The following STK39 variants were observed in gnomAD, a reference collection of about 807,000 sequenced individuals.
The protein encoded by STK39 is STE20/SPS1-related proline-alanine-rich protein kinase.
In STK39, 20 loss-of-function variants were observed where a neutral mutation model predicts 77.8. The ratio of observed to expected loss-of-function variants is 0.26; its 90% confidence interval spans 0.18 to 0.37. The LOEUF is 0.37. Among genes scored for constraint, STK39 ranks in the 10% least tolerant of loss-of-function variants. The pLI is 1.00. For synonymous variants in STK39, 246 were observed against 234.1 expected (o/e 1.05, Z -0.47); for missense variants, 479 against 656.5 (o/e 0.73, Z 2.95).
intron 1 of STK39, among the ~76,000 whole-genome samples, chr2:168,198,255 T>C (rs1689524799): frequency 2.0e-5 from 3 of 152,152 alleles, no homozygotes; most frequent in South Asian, 4.1e-4. Flanking sequence ...CCCAAACACT[T>C]TTCATGTTTC....
At chr2:167,995,839 T>A (rs1683825122) in intron 16 of STK39, among the ~76,000 whole-genome samples, 1 of 152,200 alleles carries the variant, frequency 6.6e-6, no homozygotes, top group Non-Finnish European at 1.5e-5. Context: ...GTCAGAGAGC[T>A]GGGTGACATG....
intron 10 of STK39, among the ~76,000 whole-genome samples, chr2:168,118,782 C>A (rs1687327097): frequency 6.6e-6 from 1 of 152,238 alleles, no homozygotes; most frequent in South Asian, 2.1e-4. Flanking sequence ...GGCTGCAAGG[C>A]TTTTTACAGA....
chr2:168,214,571 C>T (rs55704419), intron 1 of STK39, among the ~76,000 whole-genome samples: 51,995 of 151,908 alleles, frequency 0.34, 9,061 homozygotes, highest in East Asian at 0.42. Context: ...TAAACAACGT[C>T]GTGAATGTAC....
intron 5 of STK39, among the ~76,000 whole-genome samples, chr2:168,153,307 G>A (rs1005275906): frequency 4.6e-5 from 7 of 152,150 alleles, no homozygotes; most frequent in Admixed American, 3.3e-4. Context: ...CTGCTCTCAC[G>A]GAGCTGACTT....
chr2:168,077,533 T>G (rs757630534), intron 10 of STK39, among the ~76,000 whole-genome samples: 11 of 152,320 alleles, frequency 7.2e-5, no homozygotes, highest in Non-Finnish European at 1.0e-4. Flanking sequence ...CAATAAACAT[T>G]GGTTAAACAA....
intron 14 of STK39, among the ~76,000 whole-genome samples, chr2:168,053,614 C>T (rs1685451566): frequency 6.6e-6 from 1 of 152,120 alleles, no homozygotes; most frequent in South Asian, 2.1e-4. Flanking sequence ...TCACAATGTC[C>T]TCTTGCTCAG....
At chr2:168,157,513 G>C (rs892656339) in intron 5 of STK39, among the ~76,000 whole-genome samples, 6 of 152,168 alleles carry the variant, frequency 3.9e-5, no homozygotes, top group South Asian at 2.1e-4. Context: ...CTGCAGGCTG[G>C]GAAGTCCAAG....
intron 8 of STK39, among the ~76,000 whole-genome samples, chr2:168,136,942 TGGCTAATAGCA>T (rs1420081808): frequency 2.0e-5 from 3 of 152,210 alleles, no homozygotes; most frequent in Admixed American, 1.3e-4. Context: ...TAATTCAAGA[TGGCTAATAGCA>T]GTCTTCATTC....
chr2:168,157,382 AACCAGGGAAGGG>A (rs1468785277), intron 5 of STK39, among the ~76,000 whole-genome samples: 1 of 152,174 alleles, frequency 6.6e-6, no homozygotes, highest in Non-Finnish European at 1.5e-5. Flanking sequence ...TGTTATGTAA[AACCAGGGAAGGG>A]AAATTCACAT....
chr2:168,054,992 C>T (rs114574590), intron 14 of STK39, among the ~76,000 whole-genome samples: 1,546 of 152,282 alleles, frequency 0.01, 32 homozygotes, highest in African/African-American at 0.035. Flanking sequence ...ATGGTAAGCT[C>T]TCTGAGTGCA....
intron 1 of STK39, among the ~76,000 whole-genome samples, chr2:168,204,897 T>C (rs2105683087): frequency 6.6e-6 from 1 of 152,352 alleles, no homozygotes; most frequent in East Asian, 1.9e-4. Flanking sequence ...GGCTGTCAGT[T>C]GTATATCCTC....
At chr2:168,108,064 G>T (rs1687025845) in intron 10 of STK39, among the ~76,000 whole-genome samples, 1 of 152,170 alleles carries the variant, frequency 6.6e-6, no homozygotes, top group Non-Finnish European at 1.5e-5. Context: ...GAATATGTAT[G>T]ACATTCTAAA....
chr2:168,242,520 GC>G (rs1473992245), intron 1 of STK39, among the ~76,000 whole-genome samples: 2 of 129,124 alleles, frequency 1.5e-5, no homozygotes, highest in Non-Finnish European at 3.1e-5. Flanking sequence ...CTGCAATCTA[GC>G]CCAGGCAACA....
intron 1 of STK39, among the ~76,000 whole-genome samples, chr2:168,236,441 A>C (rs1690611888): frequency 1.3e-5 from 2 of 152,170 alleles, no homozygotes; most frequent in South Asian, 4.1e-4. Flanking sequence ...GCTGTGCAGA[A>C]GCTGTTTAGT....
chr2:168,124,245 C>T (rs897307407), intron 10 of STK39, among the ~76,000 whole-genome samples: 3 of 152,166 alleles, frequency 2.0e-5, no homozygotes, highest in Non-Finnish European at 4.4e-5. Flanking sequence ...CCAGTGAAAA[C>T]ACAGGCAACC....
chr2:168,105,901 A>G (rs1041376325), intron 10 of STK39, among the ~76,000 whole-genome samples: 1 of 152,238 alleles, frequency 6.6e-6, no homozygotes, highest in African/African-American at 2.4e-5. Flanking sequence ...TGAGGGTTTC[A>G]TTTAAGGCAG....
chr2:168,145,798 G>A (rs1489309943), intron 5 of STK39, among the ~76,000 whole-genome samples: 1 of 152,158 alleles, frequency 6.6e-6, no homozygotes, highest in Non-Finnish European at 1.5e-5. Context: ...GACTCAGGAT[G>A]CCAGAGGCAG....
chr2:167,963,706 C>T (rs746119691), intron 17 of STK39, among the ~76,000 whole-genome samples: 2 of 152,154 alleles, frequency 1.3e-5, no homozygotes, highest in Non-Finnish European at 2.9e-5. Flanking sequence ...TTTTATCACA[C>T]AGCCTAGCTA....
At chr2:167,986,610 TTTAAG>T (rs1431508615) in intron 16 of STK39, among the ~76,000 whole-genome samples, 5 of 152,166 alleles carry the variant, frequency 3.3e-5, no homozygotes, top group Non-Finnish European at 5.9e-5. Flanking sequence ...GATTTAGACT[TTTAAG>T]ATAAGTAACA....
Sources: allele counts gnomAD v4.1 joint callset (sites outside exome capture counted in the v4.1 genomes callset), GRCh38; gene constraint gnomAD v4.1.1; transcripts MANE v1.5; gene names NCBI Gene and HGNC (gene_info 2026-07-23, HGNC 2026-07-21).